Variants in EXO1 observed in about 807,000 individuals in gnomAD.
EXO1 encodes exonuclease 1.
EXO1 carries 69 observed loss-of-function variants against 84.5 expected under a neutral mutation model. The ratio of observed to expected loss-of-function variants is 0.82; its 90% CI spans 0.67 to 1.00. The LOEUF (loss-of-function observed/expected upper bound fraction) is 1.00, where lower values mean the gene tolerates loss of function less well. EXO1 is among the 50% of genes least tolerant of loss of function. EXO1 has a pLI of 0.00. For missense variants in EXO1, 1,045 were observed against 1,000.7 expected (o/e 1.04, Z -0.60); for synonymous variants, 373 against 366.1 (o/e 1.02, Z -0.21).
intron 14 of EXO1, among the ~76,000 whole-genome samples, chr1:241,884,822 C>T (rs958951267): frequency 8.5e-5 from 13 of 152,154 alleles, no homozygotes; most frequent in Non-Finnish European, 1.3e-4. Flanking sequence ...TTACATATTA[C>T]CTGTTAAAAT....
chr1:241,867,914 C>T (rs2148462990), intron 11 of EXO1, among the ~76,000 whole-genome samples: 1 of 151,936 alleles, frequency 6.6e-6, no homozygotes, highest in South Asian at 2.1e-4. Context: ...TTCACGTTTC[C>T]ATGTACATTT....
At chr1:241,867,700 C>T (rs1466067814) in intron 11 of EXO1, among the ~76,000 whole-genome samples, 4 of 151,804 alleles carry the variant, frequency 2.6e-5, no homozygotes, top group South Asian at 2.1e-4. Context: ...ATTTAATTGC[C>T]TTGGCACAGC....
upstream of EXO1, chr1:241,848,078 G>C (rs899865612): frequency 1.3e-5 from 2 of 152,304 alleles, no homozygotes; most frequent in African/African-American, 4.8e-5. This position sits in a 1 kb window ranked among gnomAD's most constrained non-coding sequence, Gnocchi z 4.2. Flanking sequence ...TACCCAGCGA[G>C]ACGGAGAGCT....
intron 10 of EXO1, among the ~76,000 whole-genome samples, chr1:241,866,258 C>T (rs1574154691): frequency 2.0e-5 from 3 of 152,238 alleles, no homozygotes; most frequent in Admixed American, 2.0e-4. Context: ...GGATTACAGG[C>T]ACACGCCACC....
chr1:241,872,345 C>A, intron 12 of EXO1, 67 bp downstream of exon 12: 1 of 1,540,838 alleles, frequency 6.5e-7, no homozygotes, highest in South Asian at 1.1e-5. Flanking sequence ...TTTATTTTGT[C>A]TTTTTTTAGA....
chr1:241,850,688 C>G (rs1438300063), intron 4 of EXO1, 102 bp downstream of exon 4: 11 of 935,010 alleles, frequency 1.2e-5, no homozygotes, highest in Non-Finnish European at 1.9e-5. Flanking sequence ...AATGCCAGAA[C>G]TTATCAGGAA....
At chr1:241,861,904 G>A (rs944580762) in intron 10 of EXO1, among the ~76,000 whole-genome samples, 1 of 151,380 alleles carries the variant, frequency 6.6e-6, no homozygotes, top group South Asian at 2.1e-4. Flanking sequence ...TTTAATGCAC[G>A]CCCCTGCTGT....
At chr1:241,865,399 TG>T (rs1365288706) in intron 10 of EXO1, among the ~76,000 whole-genome samples, 1 of 151,552 alleles carries the variant, frequency 6.6e-6, no homozygotes, top group Non-Finnish European at 1.5e-5. Context: ...TTAGTAGAGA[TG>T]GGGTTTCATC....
chr1:241,888,728 G>T (rs137857502), intron 15 of EXO1, among the ~76,000 whole-genome samples: 2 of 152,282 alleles, frequency 1.3e-5, no homozygotes, highest in African/African-American at 2.4e-5. Context: ...AATTTTTATA[G>T]ATAGCTTCCT....
rs758465249 is a variant in EXO1 at position 241,878,764 on chromosome 1, A to C, written c.1530A>C (p.Ser510=). 2.0e-5 allele frequency: 32 copies of C among 1,611,948 alleles called. No individual in the cohort carries two copies. The highest frequency in any genetic ancestry group is 2.4e-5 in the Non-Finnish European group (28 of 1,178,680). Residue 510 remains serine, a synonymous_variant, in exon 13 of 16, where the codon TCA becomes TCC. Coordinates refer to ENST00000366548, the MANE Select transcript of EXO1 (RefSeq NM_130398.4). ...PGTRSRFFCS[S]DSTDCVSNKV... Reference sequence around the variant, plus strand: ...TTTTTATTAGGTTTTTTTGCAGTTCAGATTCTACTGACTGTGTATCAAACA... The same window carrying C: ...TTTTTATTAGGTTTTTTTGCAGTTCCGATTCTACTGACTGTGTATCAAACA...
chr1:241,888,947 C>T lies in EXO1; in HGVS notation c.2406-518C>T, dbSNP rs142465465. On this transcript the variant is annotated intron_variant, in intron 15 of 15. Transcript: ENST00000366548. ...AAAATTAGCCAGGTGTGGTGGTGCA[C>T]GCCTGTAGTTCCAGCTACTCGGGCT... is the stretch of plus-strand genomic sequence containing the variant. Among the ~76,000 whole-genome samples the T allele has an allele frequency of 2.6e-3, 389 of 152,184 alleles. 3 individuals carry two copies. Among genetic ancestry groups the T allele is most frequent in the African/African-American group, 8.1e-3 (338 of 41,524 alleles).
At chr1:241,883,013 T>A (rs1635495) in intron 14 of EXO1, among the ~76,000 whole-genome samples, 144,017 of 152,268 alleles carry the variant, frequency 0.95, 68,276 homozygotes, top group Non-Finnish European at 0.98. Flanking sequence ...TAGTGAAAAA[T>A]TGGAAATAAC....
chr1:241,875,852 TG>T (rs1662373682), intron 12 of EXO1, among the ~76,000 whole-genome samples: 1 of 152,210 alleles, frequency 6.6e-6, no homozygotes, highest in Non-Finnish European at 1.5e-5. Context: ...CACTCCAGCC[TG>T]GGTGACAAAG....
At chr1:241,874,420 CTT>C (rs899109299) in intron 12 of EXO1, among the ~76,000 whole-genome samples, 17 of 152,222 alleles carry the variant, frequency 1.1e-4, no homozygotes, top group Middle Eastern at 3.4e-3. Context: ...AGAAAAGAAA[CTT>C]TGAGAGGGTT....
rs1345795709 is a variant in EXO1, at chr1:241,865,180, T to C, written c.1042-1650T>C. ...GCCACCACACCTGGCCACAGCATTA[T>C]ATATATATATATATATTTTTTGACT... On this transcript the variant is annotated intron_variant, in intron 10 of 15. Transcript: ENST00000366548. Among the ~76,000 whole-genome samples, 3 of 25,986 alleles carry C rather than the reference T, an allele frequency of 1.2e-4. No individual in the cohort carries two copies. In the East Asian group the frequency reaches 0.013, roughly 116 times the overall value. 17.0% of individuals were successfully genotyped at this position (25,986 alleles called of 152,430 possible). A position where few individuals can be genotyped will look rare whatever the true frequency, so the allele number is the denominator to read the frequency against.
intron 14 of EXO1, among the ~76,000 whole-genome samples, chr1:241,884,060 G>A (rs1278704486): frequency 6.6e-6 from 1 of 152,000 alleles, no homozygotes; most frequent in Non-Finnish European, 1.5e-5. Flanking sequence ...TTCTCGGAAC[G>A]TTTTTTGTTT....
intron 12 of EXO1, among the ~76,000 whole-genome samples, chr1:241,873,680 T>A (rs371818711): frequency 1.1e-4 from 17 of 152,178 alleles, no homozygotes; most frequent in East Asian, 3.9e-4. Context: ...TGTAGTCCAG[T>A]TGGAAAAATA....
intron 12 of EXO1, among the ~76,000 whole-genome samples, chr1:241,872,532 G>A (rs565329008): frequency 6.6e-6 from 1 of 152,048 alleles, no homozygotes; most frequent in Non-Finnish European, 1.5e-5. Context: ...AGGCCGGGGT[G>A]TGTGATGTTC....
At chr1:241,873,592 A>T (rs1161643421) in intron 12 of EXO1, among the ~76,000 whole-genome samples, 1 of 152,102 alleles carries the variant, frequency 6.6e-6, no homozygotes, top group Non-Finnish European at 1.5e-5. Flanking sequence ...TGGAGCTGTA[A>T]TATTAATTGA....
Sources: allele counts gnomAD v4.1 joint callset (sites outside exome capture counted in the v4.1 genomes callset), GRCh38; gene constraint gnomAD v4.1.1; non-coding constraint Gnocchi (gnomAD v3.1); transcripts MANE v1.5; gene names NCBI Gene and HGNC (gene_info 2026-07-23, HGNC 2026-07-21).